The following CDK13 variants were observed in gnomAD, a reference collection of about 807,000 sequenced individuals.
CDK13 encodes cyclin dependent kinase 13, also known as cyclin-dependent kinase 13.
Under a neutral mutation model 137.6 loss-of-function variants are expected in CDK13, and 40 were observed. The observed-to-expected ratio is 0.29, with a 90% CI of 0.23 to 0.38. CDK13 has a LOEUF of 0.38. CDK13 is among the 10% of genes least tolerant of loss of function. The pLI is 1.00. For missense variants in CDK13, 1,704 were observed against 1,951.8 expected (o/e 0.87, Z 2.39); for synonymous variants, 869 against 760.1 (o/e 1.14, Z -2.36).
At position 40,046,032 on chromosome 7, in the gene CDK13, G is replaced by A. The variant is rs367811791; in HGVS notation, c.2543+7G>A. On this transcript the variant is annotated splice_region_variant and intron_variant, in intron 6 of 13. Coordinates refer to ENST00000181839, the MANE Select transcript of CDK13 (RefSeq NM_003718.5). ...ATATCCTTCTAAATAATAGGTATGG[G>A]TATGAACTTTATATATATTTAAAAT... 1.8e-5 allele frequency: 27 copies of A among 1,462,700 alleles called. No homozygotes were observed. The highest frequency in any genetic ancestry group is 2.4e-5 in the Non-Finnish European group (25 of 1,053,754). 90.6% of individuals were successfully genotyped at this position (1,462,700 alleles called of 1,614,324 possible). A position where few individuals can be genotyped will look rare whatever the true frequency, so the allele number is the denominator to read the frequency against.
At chr7:39,979,448 T>A (rs1784179283) in intron 1 of CDK13, among the ~76,000 whole-genome samples, 1 of 152,142 alleles carries the variant, frequency 6.6e-6, no homozygotes. Context: ...ACTTCTGCCC[T>A]CAGGTGATCT....
chr7:40,002,107 A>T, intron 5 of CDK13, 76 bp downstream of exon 5: 1 of 973,914 alleles, frequency 1.0e-6, no homozygotes, highest in Non-Finnish European at 1.5e-6. Flanking sequence ...TTTTTTATAG[A>T]TGTGACTATT....
In CDK13 at chr7:40,094,324, C is replaced by G. The variant is rs1304039056; in HGVS notation, c.3883C>G (p.His1295Asp). 6.2e-7 allele frequency: 1 copy of G among 1,613,540 alleles called. No homozygotes were observed. The highest frequency in any genetic ancestry group is 8.5e-7 in the Non-Finnish European group (1 of 1,179,736). ...PTTSSSLTDP[H>D]AGVKAALLQL... The stretch of plus-strand genomic sequence containing the variant: ...CACCAGTTCTTCATTAACTGACCCT[C>G]ATGCCGGAGTGAAGGCAGCCCTGTT... Residue 1295 changes from histidine to aspartate, a missense_variant, in exon 14 of 14, where the codon CAT (histidine) becomes GAT (aspartate). By Grantham distance (81) the His-to-Asp change is moderately conservative. Around this residue, in one of 5 missense-constraint regions of CDK13, gnomAD observed 475 missense variants for 579.3 expected, o/e 0.82. Coordinates refer to ENST00000181839, the MANE Select transcript of CDK13 (RefSeq NM_003718.5).
At position 40,045,926 on chromosome 7, in the gene CDK13, A is replaced by G; in HGVS notation, c.2444A>G (p.Lys815Arg). The change falls in exon 6 of 14, where the codon AAG becomes AGG. Residue 815 changes from lysine to arginine, a missense_variant. Coordinates refer to ENST00000181839, the MANE Select transcript of CDK13 (RefSeq NM_003718.5). ...GLVHFNENHI[K>R]SFMRQLMEGL... ...GTTCATTTTAATGAAAATCACATAAAGTCATTTATGAGACAGCTCATGGAG... is the reference window on the plus strand; with the variant it reads ...GTTCATTTTAATGAAAATCACATAAGGTCATTTATGAGACAGCTCATGGAG... The G allele has an allele frequency of 6.2e-7, 1 of 1,613,084 alleles. No homozygotes were observed. The highest frequency in any genetic ancestry group is 1.7e-5 in the Admixed American group (1 of 60,006).
In CDK13 at chr7:40,098,802, A is replaced by G. The variant is rs1283495657; in HGVS notation, c.*3822A>G. On this transcript the variant is annotated 3_prime_UTR_variant, in exon 14 of 14. Coordinates refer to ENST00000181839, the MANE Select transcript of CDK13 (RefSeq NM_003718.5). ...TACGGTAAAATAATTAGACTATTGGACTAATGGTTTAACACAAGTGGCTTT... is the reference window on the plus strand; with the variant it reads ...TACGGTAAAATAATTAGACTATTGGGCTAATGGTTTAACACAAGTGGCTTT... 6.6e-6 allele frequency: 1 copy of G among 152,080 alleles called. No homozygotes were observed. The highest frequency in any genetic ancestry group is 1.5e-5 in the Non-Finnish European group (1 of 67,996). 9.4% of individuals were successfully genotyped at this position (152,080 alleles called of 1,614,324 possible). A position where few individuals can be genotyped will look rare whatever the true frequency, so the allele number is the denominator to read the frequency against.
intron 5 of CDK13, among the ~76,000 whole-genome samples, chr7:40,005,031 A>C (rs1784767545): frequency 6.6e-6 from 1 of 152,068 alleles, no homozygotes; most frequent in African/African-American, 2.4e-5. Flanking sequence ...AAAATTAGCC[A>C]GGCATGGTGG....
chr7:40,074,090 CAG>C (rs953465983), intron 9 of CDK13, among the ~76,000 whole-genome samples: 1 of 152,026 alleles, frequency 6.6e-6, no homozygotes, highest in African/African-American at 2.4e-5. Flanking sequence ...TTAGTAGAGA[CAG>C]GGTTTCCCCA....
At chr7:39,965,141 A>T (rs964116221) in intron 1 of CDK13, among the ~76,000 whole-genome samples, 6 of 152,084 alleles carry the variant, frequency 3.9e-5, no homozygotes, top group Non-Finnish European at 7.3e-5. Flanking sequence ...CTATTAGGTT[A>T]GCTTGGTGCA....
At chr7:40,049,405 GT>G (rs1785829290) in intron 7 of CDK13, among the ~76,000 whole-genome samples, 2 of 142,200 alleles carry the variant, frequency 1.4e-5, no homozygotes, top group South Asian at 4.2e-4. Flanking sequence ...GGTTGTATGA[GT>G]GTTTTTTTTT....
chr7:40,000,192 A>G (rs1784654015), intron 4 of CDK13, among the ~76,000 whole-genome samples: 1 of 151,546 alleles, frequency 6.6e-6, no homozygotes, highest in African/African-American at 2.4e-5. Context: ...CCTGGCCAAC[A>G]TGAAGAAACC....
intron 1 of CDK13, among the ~76,000 whole-genome samples, chr7:39,965,732 G>T (rs187779018): frequency 6.6e-6 from 1 of 152,120 alleles, no homozygotes; most frequent in Non-Finnish European, 1.5e-5. Context: ...TTACAATTTG[G>T]TATGTTTTTG....
rs370423212 is a variant in CDK13, at chr7:40,099,460, C to G, written c.*4480C>G. On this transcript the variant is annotated 3_prime_UTR_variant, in exon 14 of 14. Transcript: ENST00000181839. ...AAAGTGTTGTACTCTCTTGCAAGAA[C>G]GTTTAAAAGTTAAGTCTTGTAACTG... 1 of 152,110 alleles carries G rather than the reference C, an allele frequency of 6.6e-6. No individual in the cohort carries two copies. The highest frequency in any genetic ancestry group is 1.9e-4 in the East Asian group (1 of 5,196). The allele number at this position is 152,110 out of a possible 1,614,324, so 9.4% of individuals were successfully genotyped here. A position where few individuals can be genotyped will look rare whatever the true frequency, so the allele number is the denominator to read the frequency against.
intron 1 of CDK13, among the ~76,000 whole-genome samples, chr7:39,971,749 G>C (rs1163209591): frequency 1.3e-5 from 2 of 152,148 alleles, no homozygotes; most frequent in East Asian, 3.9e-4. Flanking sequence ...CGGACGTGGT[G>C]GCGGGCGCCT....
intron 7 of CDK13, 68 bp downstream of exon 7, chr7:40,047,945 C>A: frequency 2.1e-6 from 2 of 941,622 alleles, no homozygotes; most frequent in South Asian, 1.5e-5. Context: ...CTAAGAATAC[C>A]TTATTGATAG....
intron 1 of CDK13, among the ~76,000 whole-genome samples, chr7:39,960,076 CTTTTTTTT>C (rs11367509): frequency 7.2e-6 from 1 of 139,088 alleles, no homozygotes; most frequent in African/African-American, 2.6e-5. Flanking sequence ...AAAGTTTTTT[CTTTTTTTT>C]TTTTTTCCAG....
chr7:40,030,067 C>T (rs991603881), intron 5 of CDK13, among the ~76,000 whole-genome samples: 5 of 152,144 alleles, frequency 3.3e-5, no homozygotes, highest in Admixed American at 2.0e-4. Context: ...TTCTTTCTAA[C>T]CCATGTTTAG....
At chr7:40,077,725 G>T (rs1021493858) in intron 9 of CDK13, among the ~76,000 whole-genome samples, 2 of 152,018 alleles carry the variant, frequency 1.3e-5, no homozygotes, top group African/African-American at 4.8e-5. Flanking sequence ...CCGTGGTGGC[G>T]CATGCCTATA....
intron 5 of CDK13, among the ~76,000 whole-genome samples, chr7:40,018,151 G>T (rs183026949): frequency 6.6e-6 from 1 of 151,962 alleles, no homozygotes. Context: ...AAATTTGGCT[G>T]GAATTACATT....
chr7:39,986,778 A>G (rs1423769979), intron 1 of CDK13: 3 of 152,094 alleles, frequency 2.0e-5, no homozygotes, highest in Non-Finnish European at 4.4e-5. Flanking sequence ...ATTATCTTGT[A>G]TATGTGTGTT....
Sources: allele counts gnomAD v4.1 joint callset (sites outside exome capture counted in the v4.1 genomes callset), GRCh38; gene constraint gnomAD v4.1.1; regional missense constraint gnomAD v4.1.1; transcripts MANE v1.5; gene names NCBI Gene and HGNC (gene_info 2026-07-23, HGNC 2026-07-21).